The following OLAH variants were observed in gnomAD, a reference collection of about 807,000 sequenced individuals.
OLAH encodes oleoyl-ACP hydrolase.
In OLAH, 33 loss-of-function variants were observed where a neutral mutation model predicts 27.8. The ratio of observed to expected loss-of-function variants is 1.19; its 90% confidence interval spans 0.90 to 1.59. OLAH has a LOEUF of 1.59. Ranked by LOEUF, OLAH falls within the 40% of genes most tolerant of loss-of-function variation. The probability of loss-of-function intolerance (pLI) is 0.00; values close to 1 mark genes in which losing one functional copy is unlikely to be tolerated. For missense variants in OLAH, 359 were observed against 310.8 expected, an observed-to-expected ratio of 1.16 and a Z score of -1.17; for synonymous variants, 120 against 102.9, an observed-to-expected ratio of 1.17 and a Z score of -1.01.
intron 4 of OLAH, among the ~76,000 whole-genome samples, chr10:15,063,673 T>C (rs1844411195): frequency 6.6e-6 from 1 of 152,254 alleles, no homozygotes; most frequent in Admixed American, 6.5e-5. Flanking sequence ...ATATGTGATA[T>C]ATCTGGCGAT....
At chr10:15,054,319 G>T (rs1844204789) in intron 3 of OLAH, among the ~76,000 whole-genome samples, 1 of 152,132 alleles carries the variant, frequency 6.6e-6, no homozygotes, top group Non-Finnish European at 1.5e-5. Context: ...GGGATTACAG[G>T]CATGAGCCAC....
At chr10:15,037,184 C>A (rs1345083340) in intron 1 of OLAH, among the ~76,000 whole-genome samples, 2 of 151,652 alleles carry the variant, frequency 1.3e-5, no homozygotes, top group East Asian at 3.9e-4. Context: ...TATTGTAAAT[C>A]CGACAGTAAC....
intron 7 of OLAH, 26 bp from the exon 8 acceptor site, chr10:15,073,061 T>C: frequency 6.2e-7 from 1 of 1,606,356 alleles, no homozygotes; most frequent in Non-Finnish European, 8.5e-7. Context: ...GGTGTTGTTA[T>C]TGAATACAAT....
chr10:15,068,695 GATA>G (rs1274963702), intron 6 of OLAH, among the ~76,000 whole-genome samples: 1 of 152,046 alleles, frequency 6.6e-6, no homozygotes, highest in African/African-American at 2.4e-5. Context: ...CGTGCCCAGT[GATA>G]ATTTTATAAA....
At chr10:15,033,450 A>AAAG (rs946060259) in intron 1 of OLAH, among the ~76,000 whole-genome samples, 1 of 152,140 alleles carries the variant, frequency 6.6e-6, no homozygotes, top group South Asian at 2.1e-4. Flanking sequence ...AGAGAAACAG[A>AAAG]AAGAAGAAGA....
At chr10:15,051,440 T>C (rs1844140328) in intron 3 of OLAH, among the ~76,000 whole-genome samples, 1 of 152,378 alleles carries the variant, frequency 6.6e-6, no homozygotes. Context: ...ATTAGCCATC[T>C]GATCTAATGG....
chr10:15,071,402 A>C, intron 6 of OLAH: 1 of 474,598 alleles, frequency 2.1e-6, no homozygotes, highest in Non-Finnish European at 2.8e-6. Context: ...CCTCTGACTC[A>C]ATAAACACGT....
intron 3 of OLAH, 79 bp from the exon 4 acceptor site, chr10:15,061,645 G>A: frequency 7.5e-7 from 1 of 1,340,046 alleles, no homozygotes; most frequent in South Asian, 2.0e-5. Flanking sequence ...TTTCCATCAG[G>A]TAAATATGAG....
chr10:15,041,470 G>T (rs1477747273), upstream of OLAH, among the ~76,000 whole-genome samples: 1 of 151,974 alleles, frequency 6.6e-6, no homozygotes, highest in East Asian at 1.9e-4. Context: ...TAGAGACGGG[G>T]TTTCTCCATG....
intron 6 of OLAH, among the ~76,000 whole-genome samples, chr10:15,070,119 C>T (rs867167438): frequency 2.4e-4 from 36 of 151,076 alleles, no homozygotes; most frequent in African/African-American, 8.3e-4. Context: ...GTTGAGTTCA[C>T]GACAAGTCAT....
chr10:15,071,590 G>T, intron 6 of OLAH: 5 of 985,428 alleles, frequency 5.1e-6, no homozygotes, highest in Non-Finnish European at 6.0e-6. Context: ...CATCCTAGAA[G>T]TTAGATATTG....
At chr10:15,044,516 G>A (rs1412099359) in intron 1 of OLAH, among the ~76,000 whole-genome samples, 1 of 151,624 alleles carries the variant, frequency 6.6e-6, no homozygotes, top group Admixed American at 6.6e-5. Flanking sequence ...GTACAATGGT[G>A]CAATCTCGGC....
chr10:15,058,949 TTCCCTCCCTCCTTCCC>T, intron 3 of OLAH, among the ~76,000 whole-genome samples: 1 of 135,904 alleles, frequency 7.4e-6, no homozygotes, highest in South Asian at 2.7e-4. Context: ...TCTCCTTCCC[TTCCCTCCCTCCTTCCC>T]TCCCTCCCTC....
upstream of OLAH, among the ~76,000 whole-genome samples, chr10:15,042,943 C>T (rs1323765743): frequency 7.0e-6 from 1 of 142,398 alleles, no homozygotes; most frequent in Non-Finnish European, 1.5e-5. Flanking sequence ...TCACTGCAAG[C>T]TCCGCCTCCC....
In OLAH at chr10:15,067,812, C is replaced by T. The variant is rs561274584; in HGVS notation, c.572+2059C>T. On this transcript the variant is annotated intron_variant, in intron 6 of 7. Coordinates refer to ENST00000378228, the MANE Select transcript of OLAH (RefSeq NM_001039702.3). ...TACAGAGTTTTTTCCAGTTCTCTTT[C>T]CCCATCACTACCACTAAAGCTCAGA... 3.3e-5 allele frequency among the ~76,000 whole-genome samples: 5 copies of T among 152,284 alleles called. No individual in the cohort carries two copies. The East Asian group carries it at 9.7e-4, about 29-fold the overall frequency.
intron 7 of OLAH, 88 bp downstream of exon 7, chr10:15,071,965 G>T: frequency 3.3e-6 from 3 of 916,130 alleles, no homozygotes; most frequent in East Asian, 5.1e-5. Context: ...ACAGAGTCTC[G>T]CCCTGTCACC....
At position 15,064,446 on chromosome 10, in the gene OLAH, G is replaced by C. The variant is rs1844427473; in HGVS notation, c.346G>C (p.Glu116Gln). 6.3e-7 allele frequency: 1 copy of C among 1,597,876 alleles called. No homozygotes were observed. Among genetic ancestry groups the C allele is most frequent in the Non-Finnish European group, 8.5e-7 (1 of 1,174,608 alleles). Residue 116 changes from glutamate to glutamine, a missense_variant, in exon 5 of 8, where the codon GAA becomes CAA. Glu to Gln is a conservative substitution (Grantham distance 29). Transcript: ENST00000378228. ...IAFRTALGLK[E>Q]NNQPEPLHLF... ...TTTTAGGACTGCACTAGGTCTAAAA[G>C]AAAACAATCAACCAGAACCATTGCA...
intron 1 of OLAH, among the ~76,000 whole-genome samples, chr10:15,037,025 G>C (rs1299475327): frequency 1.3e-5 from 2 of 152,116 alleles, no homozygotes; most frequent in African/African-American, 2.4e-5. Flanking sequence ...GTTGCAGTGA[G>C]CCAAGATCGT....
At chr10:15,050,502 A>G (rs12262908) in intron 3 of OLAH, among the ~76,000 whole-genome samples, 14,799 of 148,554 alleles carry the variant, frequency 0.1, 1,010 homozygotes, top group African/African-American at 0.17. Flanking sequence ...TCCTGACCTC[A>G]GGTGATCCAC....
Sources: allele counts gnomAD v4.1 joint callset (sites outside exome capture counted in the v4.1 genomes callset), GRCh38; gene constraint gnomAD v4.1.1; transcripts MANE v1.5; gene names NCBI Gene and HGNC (gene_info 2026-07-23, HGNC 2026-07-21).